Variants in MLLT10 observed in about 807,000 individuals in gnomAD.
MLLT10 encodes MLLT10 histone lysine methyltransferase DOT1L cofactor.
In MLLT10, 30 loss-of-function variants were observed where a neutral mutation model predicts 129.1. The ratio of observed to expected loss-of-function variants is 0.23; its 90% CI spans 0.17 to 0.32. The LOEUF is 0.32. Among genes scored for constraint, MLLT10 ranks in the 10% least tolerant of loss-of-function variants. The pLI is 1.00. For missense variants in MLLT10, 1,119 were observed against 1,268.3 expected (o/e 0.88, Z 1.79); for synonymous variants, 490 against 446.4 (o/e 1.10, Z -1.23).
At chr10:21,721,586 TTAA>T (rs2057139555) in intron 14 of MLLT10, among the ~76,000 whole-genome samples, 1 of 152,176 alleles carries the variant, frequency 6.6e-6, no homozygotes, top group Non-Finnish European at 1.5e-5. Flanking sequence ...AGGTAAACTC[TTAA>T]TAACAGGAGA....
chr10:21,739,929 C>A, intron 21 of MLLT10, 101 bp from the exon 22 acceptor site: 1 of 905,084 alleles, frequency 1.1e-6, no homozygotes, highest in Non-Finnish European at 1.7e-6. Context: ...TCTTTCTTTG[C>A]AAATATCTAA....
At position 21,605,256 on chromosome 10, in the gene MLLT10, G is replaced by T. The variant is rs114796477; in HGVS notation, c.406-7092G>T. 2.4e-3 allele frequency among the ~76,000 whole-genome samples: 360 copies of T among 152,226 alleles called. 1 individual carries two copies. The highest frequency in any genetic ancestry group is 8.3e-3 in the African/African-American group (344 of 41,546). On this transcript the variant is annotated intron_variant, in intron 5 of 22. Coordinates refer to ENST00000307729, the MANE Select transcript of MLLT10 (RefSeq NM_001195626.3). ...ATTGGTTGTTTAGTCTCATGATGGC[G>T]TGGCTGACTGGGAGTTGTGGCTTGC...
chr10:21,704,803 C>T (rs1010320670), intron 13 of MLLT10, among the ~76,000 whole-genome samples: 11 of 151,802 alleles, frequency 7.2e-5, no homozygotes, highest in African/African-American at 2.4e-4. Flanking sequence ...CATGTAATCT[C>T]TGGATGATTT....
At chr10:21,716,165 A>T (rs191594348) in intron 14 of MLLT10, among the ~76,000 whole-genome samples, 1 of 152,378 alleles carries the variant, frequency 6.6e-6, no homozygotes, top group African/African-American at 2.4e-5. Context: ...AAATATTTAG[A>T]TAGAATTGAT....
chr10:21,667,407 T>G (rs2050925806), intron 9 of MLLT10, among the ~76,000 whole-genome samples: 1 of 151,608 alleles, frequency 6.6e-6, no homozygotes, highest in Admixed American at 6.6e-5. Flanking sequence ...TTCCTACTAT[T>G]ATTTCTTCAG....
chr10:21,645,728 G>A (rs1458320789), intron 8 of MLLT10, among the ~76,000 whole-genome samples: 1 of 152,174 alleles, frequency 6.6e-6, no homozygotes, highest in Non-Finnish European at 1.5e-5. Flanking sequence ...AGACATTTCT[G>A]TCTATGGTTC....
chr10:21,595,158 G>A (rs1006548809), intron 4 of MLLT10, among the ~76,000 whole-genome samples, 173 bp from the exon 5 acceptor site: 3 of 151,782 alleles, frequency 2.0e-5, no homozygotes, highest in African/African-American at 7.3e-5. Flanking sequence ...GCTTTTTTTT[G>A]GTAGTGGTTT....
At chr10:21,640,833 A>G (rs962381393) in intron 8 of MLLT10, among the ~76,000 whole-genome samples, 10 of 152,164 alleles carry the variant, frequency 6.6e-5, no homozygotes, top group South Asian at 2.1e-4. Flanking sequence ...ACTTTACACA[A>G]TGTTTTTGAT....
At chr10:21,671,826 G>C (rs1043804552) in intron 10 of MLLT10, among the ~76,000 whole-genome samples, 43 of 152,168 alleles carry the variant, frequency 2.8e-4, no homozygotes, top group African/African-American at 1.0e-3. Context: ...GGTGATGTCT[G>C]CCTGTGGCCC....
intron 8 of MLLT10, chr10:21,625,959 T>G (rs2046388507): frequency 3.6e-6 from 3 of 822,336 alleles, no homozygotes; most frequent in Non-Finnish European, 6.6e-6. Context: ...GTTCCAATTC[T>G]AGGTTGCACA....
At chr10:21,738,130 T>G (rs933148794) in intron 21 of MLLT10, among the ~76,000 whole-genome samples, 1 of 151,920 alleles carries the variant, frequency 6.6e-6, no homozygotes, top group Non-Finnish European at 1.5e-5. Flanking sequence ...TAGCCGGGTG[T>G]GGTGGCGCGT....
chr10:21,576,856 C>T (rs186883321), intron 3 of MLLT10, among the ~76,000 whole-genome samples: 9 of 151,378 alleles, frequency 5.9e-5, no homozygotes, highest in African/African-American at 1.9e-4. Context: ...GTTTTGAACT[C>T]GCGACCTCAG....
chr10:21,695,154 C>T (rs577552698), intron 13 of MLLT10, among the ~76,000 whole-genome samples: 79 of 147,104 alleles, frequency 5.4e-4, no homozygotes, highest in Middle Eastern at 3.6e-3. Context: ...ACTGCAACCT[C>T]TGCCTTGCGG....
At chr10:21,591,015 T>C (rs1467875246) in intron 4 of MLLT10, among the ~76,000 whole-genome samples, 2 of 152,314 alleles carry the variant, frequency 1.3e-5, no homozygotes, top group East Asian at 3.9e-4. Context: ...TCTATTGCTT[T>C]TATTGAATCC....
In MLLT10 at chr10:21,697,420, T is replaced by C. The variant is rs911988164; in HGVS notation, c.1699+15163T>C. Among the ~76,000 whole-genome samples the C allele has an allele frequency of 3.0e-4, 46 of 152,278 alleles. 1 individual carries two copies. Among genetic ancestry groups the C allele is most frequent in the Admixed American group, 2.7e-3 (42 of 15,288 alleles). ...GGTGGTGGTTGCAGTGAGCTGAGAT[T>C]GTGCCATTGCACTCCAGCCTGGGCA... On this transcript the variant is annotated intron_variant, in intron 13 of 22. Transcript: ENST00000307729.
intron 3 of MLLT10, among the ~76,000 whole-genome samples, chr10:21,564,112 T>A (rs1286381712): frequency 6.6e-6 from 1 of 152,076 alleles, no homozygotes; most frequent in Non-Finnish European, 1.5e-5. Flanking sequence ...GTGCCCGGCC[T>A]ATTATTATTA....
chr10:21,563,791 G>C (rs191113341), intron 3 of MLLT10, among the ~76,000 whole-genome samples: 3 of 145,644 alleles, frequency 2.1e-5, no homozygotes, highest in African/African-American at 7.7e-5. Context: ...CTCACTGTGT[G>C]TATTATTATT....
intron 3 of MLLT10, among the ~76,000 whole-genome samples, chr10:21,562,811 TTTTTTTG>T (rs2039013407): frequency 2.5e-5 from 3 of 121,890 alleles, no homozygotes; most frequent in African/African-American, 6.5e-5. Context: ...TATACTTTGT[TTTTTTTG>T]TTTTTTTTTT....
At chr10:21,736,483 C>T (rs1482128766) in intron 21 of MLLT10, among the ~76,000 whole-genome samples, 2 of 152,086 alleles carry the variant, frequency 1.3e-5, no homozygotes, top group Non-Finnish European at 2.9e-5. Context: ...AGGGTTTCAC[C>T]ATGTTGCCCA....
Sources: allele counts gnomAD v4.1 joint callset (sites outside exome capture counted in the v4.1 genomes callset), GRCh38; gene constraint gnomAD v4.1.1; transcripts MANE v1.5; gene names NCBI Gene and HGNC (gene_info 2026-07-23, HGNC 2026-07-21).